Variants in TEX22 observed in about 807,000 individuals in gnomAD.
TEX22 encodes testis-expressed protein 22.
TEX22 carries 16 observed loss-of-function variants against 11.3 expected under a neutral mutation model. That is an observed-to-expected ratio of 1.42 (90% confidence interval 0.96 to 2.15). The LOEUF (loss-of-function observed/expected upper bound fraction) is 2.15. Among genes scored for constraint, TEX22 ranks in the 30% most tolerant of loss-of-function variants. The pLI is 0.00. For synonymous variants in TEX22, 97 were observed against 92.3 expected, an observed-to-expected ratio of 1.05 and a Z score of -0.29; for missense variants, 220 against 208.6, an observed-to-expected ratio of 1.05 and a Z score of -0.34.
intron 2 of TEX22, among the ~76,000 whole-genome samples, chr14:105,408,956 C>T (rs145695488): frequency 6.8e-6 from 1 of 146,278 alleles, no homozygotes; most frequent in Non-Finnish European, 1.5e-5. Flanking sequence ...TCCTCCCCCT[C>T]CCCCTCCTCC....
chr14:105,402,727 G>A (rs2081638427), intron 2 of TEX22, among the ~76,000 whole-genome samples: 2 of 147,166 alleles, frequency 1.4e-5, no homozygotes, highest in Admixed American at 1.4e-4. Context: ...CTGCACTCCA[G>A]CCTGGGCGAC....
Position 105,411,696 on chromosome 14 carries a change from G to A in TEX22, c.316G>A (p.Asp106Asn), listed in dbSNP as rs1555419413. ...VQMVAQLVSE[D>N]VDKDVLLPHP... ...GATGGTAGCCCAGCTGGTGTCGGAG[G>A]ACGTGGACAAGGACGTGCTCCTTCC... Residue 106 changes from aspartate to asparagine, a missense_variant, in exon 4 of 4, where the codon GAC becomes AAC. Asp to Asn is a conservative substitution (Grantham distance 23). Transcript: ENST00000451127. 4 of 1,531,548 alleles carry A rather than the reference G, an allele frequency of 2.6e-6. No homozygotes were observed. Among genetic ancestry groups the A allele is most frequent in the Non-Finnish European group, 3.5e-6 (4 of 1,144,594 alleles). 94.9% of individuals were successfully genotyped at this position (1,531,548 alleles called of 1,614,324 possible).
intron 2 of TEX22, 62 bp from the exon 3 acceptor site, chr14:105,411,306 G>A (rs1279354430): frequency 8.0e-7 from 1 of 1,249,148 alleles, no homozygotes; most frequent in Non-Finnish European, 1.0e-6. Context: ...CGGGTGCTGG[G>A]TGGGAGCGGC....
rs192576174 is a variant in TEX22 at position 105,407,952 on chromosome 14, T to C, written c.151-3416T>C. Among the ~76,000 whole-genome samples, 603 of 151,656 alleles carry C rather than the reference T, an allele frequency of 4.0e-3. 13 individuals are homozygous for C. Among genetic ancestry groups the C allele is most frequent in the African/African-American group, 0.014 (563 of 41,052 alleles). On this transcript the variant is annotated intron_variant, in intron 2 of 3. Coordinates refer to ENST00000451127, the MANE Select transcript of TEX22 (RefSeq NM_001195082.2). ...TCTGTCTGTGTTATGGGGCTCTATC[T>C]GCATTGGGGTCTATTTTGTTTGTGG...
chr14:105,405,113 C>A (rs1440313099), intron 2 of TEX22, among the ~76,000 whole-genome samples: 1 of 151,932 alleles, frequency 6.6e-6, no homozygotes, highest in Non-Finnish European at 1.5e-5. Flanking sequence ...CATGGCAAAA[C>A]CCCATCTCTA....
Position 105,411,894 on chromosome 14 carries a change from G to A in TEX22, c.*61G>A. The A allele has an allele frequency of 1.5e-6, 2 of 1,370,894 alleles. No homozygotes were observed. The highest frequency in any genetic ancestry group is 1.9e-6 in the Non-Finnish European group (2 of 1,056,380). 84.9% of individuals were successfully genotyped at this position (1,370,894 alleles called of 1,614,324 possible). A position where few individuals can be genotyped will look rare whatever the true frequency, so the allele number is the denominator to read the frequency against. On this transcript the variant is annotated 3_prime_UTR_variant, in exon 4 of 4. Coordinates refer to ENST00000451127, the MANE Select transcript of TEX22 (RefSeq NM_001195082.2). The stretch of plus-strand genomic sequence containing the variant: ...CTTTCCTTGGGGGCCCACGGTGGGG[G>A]CAGCCTCTGCGCCTTCTTTGTGCCC...
At chr14:105,411,632 G>C (rs890809114) in intron 3 of TEX22, 28 bp from the exon 4 acceptor site, 49 of 1,483,732 alleles carry the variant, frequency 3.3e-5, no homozygotes, top group Non-Finnish European at 4.3e-5. Context: ...CCCGCCCCTC[G>C]AGGCTCCCTG....
At chr14:105,401,743 A>T (rs1461782683) in intron 2 of TEX22, among the ~76,000 whole-genome samples, 1 of 151,984 alleles carries the variant, frequency 6.6e-6, no homozygotes, top group Non-Finnish European at 1.5e-5. Flanking sequence ...TTTAAAAAAA[A>T]CCGAAGTATA....
At chr14:105,401,449 G>A (rs2081625804) in intron 2 of TEX22, among the ~76,000 whole-genome samples, 1 of 151,932 alleles carries the variant, frequency 6.6e-6, no homozygotes, top group African/African-American at 2.4e-5. Flanking sequence ...GGATGAAGCT[G>A]GAAACCATCA....
chr14:105,399,492 T>C lies in TEX22; in HGVS notation c.150+2T>C. 1 of 1,527,036 alleles carries C rather than the reference T, an allele frequency of 6.5e-7. No individual in the cohort carries two copies. Among genetic ancestry groups the C allele is most frequent in the South Asian group, 1.2e-5 (1 of 83,680 alleles). The allele number at this position is 1,527,036 out of a possible 1,614,324, so 94.6% of individuals were successfully genotyped here. On this transcript the variant is annotated splice_donor_variant, in intron 2 of 3. Coordinates refer to ENST00000451127, the MANE Select transcript of TEX22 (RefSeq NM_001195082.2). LOFTEE classifies it high-confidence loss of function. Reference sequence around the variant, plus strand: ...CAGGGACTGCAGACTCAGGACTGGGTAAGCGGAAGGAAACCCTGGCCGAGG... The same window carrying C: ...CAGGGACTGCAGACTCAGGACTGGGCAAGCGGAAGGAAACCCTGGCCGAGG...
rs1555418145 is a variant in TEX22 at position 105,399,506 on chromosome 14, C to T, written c.150+16C>T. The T allele has an allele frequency of 2.0e-6, 3 of 1,520,486 alleles. No individual in the cohort carries two copies. The highest frequency in any genetic ancestry group is 2.6e-6 in the Non-Finnish European group (3 of 1,137,168). The allele number at this position is 1,520,486 out of a possible 1,614,324, so 94.2% of individuals were successfully genotyped here. A position where few individuals can be genotyped will look rare whatever the true frequency, so the allele number is the denominator to read the frequency against. On this transcript the variant is annotated intron_variant, in intron 2 of 3. Coordinates refer to ENST00000451127, the MANE Select transcript of TEX22 (RefSeq NM_001195082.2). ...TCAGGACTGGGTAAGCGGAAGGAAA[C>T]CCTGGCCGAGGCTACTCTCCTGTCC...
intron 2 of TEX22, 47 bp from the exon 3 acceptor site, chr14:105,411,321 G>C: frequency 1.6e-6 from 2 of 1,266,056 alleles, no homozygotes; most frequent in Non-Finnish European, 2.0e-6. Flanking sequence ...AGCGGCGAAG[G>C]GGAGCTGGCG....
intron 2 of TEX22, among the ~76,000 whole-genome samples, chr14:105,406,771 GAGTA>G (rs2081660735): frequency 6.6e-6 from 1 of 151,784 alleles, no homozygotes; most frequent in South Asian, 2.1e-4. Context: ...TGTAAGGAAA[GAGTA>G]AGTCTGTTTT....
intron 2 of TEX22, among the ~76,000 whole-genome samples, chr14:105,406,161 G>T (rs1555418862): frequency 6.6e-6 from 1 of 152,226 alleles, no homozygotes; most frequent in Non-Finnish European, 1.5e-5. Context: ...TGTGAGCACT[G>T]AGAGAGTATA....
At chr14:105,408,803 C>G (rs2081672641) in intron 2 of TEX22, among the ~76,000 whole-genome samples, 1 of 152,080 alleles carries the variant, frequency 6.6e-6, no homozygotes. Context: ...CGCCCCTTCC[C>G]CATCCTCCCA....
intron 2 of TEX22, among the ~76,000 whole-genome samples, chr14:105,410,960 CTT>C (rs2081686437): frequency 1.3e-5 from 2 of 152,338 alleles, no homozygotes; most frequent in Non-Finnish European, 1.5e-5. Flanking sequence ...CCCGAACTCT[CTT>C]TATGATCATT....
chr14:105,402,590 TAA>T (rs587733868), intron 2 of TEX22, among the ~76,000 whole-genome samples: 2 of 151,286 alleles, frequency 1.3e-5, no homozygotes, highest in Non-Finnish European at 2.9e-5. Flanking sequence ...CCGTCTCTAC[TAA>T]AAAATACAAA....
intron 2 of TEX22, among the ~76,000 whole-genome samples, chr14:105,401,490 C>A (rs1038268227): frequency 1.3e-5 from 2 of 149,470 alleles, no homozygotes; most frequent in Admixed American, 6.8e-5. Flanking sequence ...GGACAAAAAA[C>A]CAGATGCTGC....
Position 105,411,455 on chromosome 14 carries a change from C to T in TEX22, c.238C>T (p.Arg80Trp). 1.6e-6 allele frequency: 2 copies of T among 1,232,962 alleles called. No homozygotes were observed. The highest frequency in any genetic ancestry group is 3.6e-5 in the South Asian group (1 of 27,608). The allele number at this position is 1,232,962 out of a possible 1,614,324, so 76.4% of individuals were successfully genotyped here. The stretch of plus-strand genomic sequence containing the variant: ...CCGGCGGCTGGCCACGCTGGGCGGC[C>T]GGGAGAGGCCGGGCGCCGCCGGGAC... ...ERRRLATLGG[R>W]ERPGAAGTQL... Residue 80 changes from arginine to tryptophan, a missense_variant, in exon 3 of 4, where the codon CGG becomes TGG. By Grantham distance (101) the Arg-to-Trp change is moderately radical (BLOSUM62 -3). Coordinates refer to ENST00000451127, the MANE Select transcript of TEX22 (RefSeq NM_001195082.2).
Sources: gnomAD v4.1 joint callset for allele counts (sites outside exome capture counted in the v4.1 genomes callset) on GRCh38, gnomAD v4.1.1 for gene constraint, MANE v1.5 for transcripts, NCBI Gene and HGNC (gene_info 2026-07-23, HGNC 2026-07-21) for gene names.